Variants in ANK2 observed in about 807,000 individuals in gnomAD.
The protein encoded by ANK2 is ankyrin-2.
In ANK2, 83 loss-of-function variants were observed where a neutral mutation model predicts 360.5. That is an observed-to-expected ratio of 0.23 (90% CI 0.19 to 0.28). The LOEUF is 0.28. Among genes scored for constraint, ANK2 ranks in the 10% least tolerant of loss-of-function variants. The pLI, the probability that ANK2 is intolerant of heterozygous loss-of-function variation, is 1.00. For synonymous variants in ANK2, 1,740 were observed against 1,759.5 expected (o/e 0.99, Z 0.28); for missense variants, 4,201 against 4,795.7 (o/e 0.88, Z 3.66).
intron 4 of ANK2, among the ~76,000 whole-genome samples, chr4:113,212,771 C>A (rs1446391261): frequency 6.6e-6 from 1 of 152,204 alleles, no homozygotes; most frequent in East Asian, 1.9e-4. Context: ...CAATGCCTGG[C>A]AATTCTAAGA....
At chr4:112,873,280 A>G (rs561556675) in intron 1 of ANK2, among the ~76,000 whole-genome samples, 117 of 151,110 alleles carry the variant, frequency 7.7e-4, no homozygotes, top group African/African-American at 2.8e-3. Context: ...TCCTTTTTCT[A>G]TTTTTATAAG....
rs978726643 is a variant in ANK2, at chr4:112,902,242, G to C, written c.-39-2213G>C. ...CTGGAAGCAAGGACTTGAAGCAGTA[G>C]CTTTGTGTCTTTGGCAGTCTCTTGA... On this transcript the variant is annotated intron_variant, in intron 1 of 30. Transcript: ENST00000503271. Among the ~76,000 whole-genome samples, 9 of 152,340 alleles carry C rather than the reference G, an allele frequency of 5.9e-5. No homozygotes were observed. In the South Asian group the frequency reaches 1.9e-3, roughly 32 times the overall value.
chr4:112,788,530 G>A, the ANK2 span: 25 of 1,578,474 alleles, frequency 1.6e-5, no homozygotes, highest in Middle Eastern at 2.3e-4. Flanking sequence ...CTTTCTTCTC[G>A]GCCTGGGCCA....
At chr4:112,878,905 G>T (rs2075958761) in intron 1 of ANK2, among the ~76,000 whole-genome samples, 1 of 152,152 alleles carries the variant, frequency 6.6e-6, no homozygotes, top group Admixed American at 6.5e-5. Flanking sequence ...TTACAAGCGT[G>T]AGCCACTGCG....
intron 22 of ANK2, among the ~76,000 whole-genome samples, chr4:113,295,899 T>C (rs2071123084): frequency 6.6e-6 from 1 of 152,192 alleles, no homozygotes; most frequent in African/African-American, 2.4e-5. Flanking sequence ...GGGTAAGGAT[T>C]GGAAGAATAG....
chr4:113,048,430 AT>A (rs61689467), upstream of ANK2, among the ~76,000 whole-genome samples: 4,620 of 129,672 alleles, frequency 0.036, 208 homozygotes, highest in African/African-American at 0.12. Context: ...CACCTGGCTA[AT>A]TTTTTTTTTT....
chr4:113,310,623 G>T (rs1024222636), intron 23 of ANK2, among the ~76,000 whole-genome samples: 1 of 152,086 alleles, frequency 6.6e-6, no homozygotes, highest in Non-Finnish European at 1.5e-5. Flanking sequence ...CACTATATTG[G>T]TCAGGCTGGT....
chr4:112,972,751 A>G (rs1271565002), intron 2 of ANK2, among the ~76,000 whole-genome samples: 1 of 152,230 alleles, frequency 6.6e-6, no homozygotes, highest in Non-Finnish European at 1.5e-5. Flanking sequence ...TTGCAACTGC[A>G]AAGATATGGA....
chr4:113,375,522 G>A (rs1040445528), intron 45 of ANK2, among the ~76,000 whole-genome samples: 5 of 152,012 alleles, frequency 3.3e-5, no homozygotes, highest in South Asian at 2.1e-4. Context: ...TCAGGAGATC[G>A]AGACCATCCT....
At chr4:113,145,576 T>C (rs2096797598) in intron 1 of ANK2, 2 of 1,025,884 alleles carry the variant, frequency 1.9e-6, no homozygotes, top group Admixed American at 9.9e-5. Context: ...CTCACCCCCC[T>C]CACTCCATTG....
Position 113,367,744 on chromosome 4 carries a change from A to G in ANK2, c.11211A>G (p.Ala3737=), listed in dbSNP as rs752461691. 14 of 1,613,808 alleles carry G rather than the reference A, an allele frequency of 8.7e-6. No homozygotes were observed. Among genetic ancestry groups the G allele is most frequent in the Non-Finnish European group, 1.2e-5 (14 of 1,179,962 alleles). Reference sequence around the variant, plus strand: ...CCAAAACTGAGGGGGACAGCTCAGCAACAGCACTCTTTCCCCAAACTCACA... The same window carrying G: ...CCAAAACTGAGGGGGACAGCTCAGCGACAGCACTCTTTCCCCAAACTCACA... ...GVPKTEGDSS[A]TALFPQTHKE... Residue 3737 remains alanine, a synonymous_variant, in exon 42 of 46, where the codon GCA becomes GCG. Coordinates refer to ENST00000357077, the MANE Select transcript of ANK2 (RefSeq NM_001148.6).
intron 23 of ANK2, among the ~76,000 whole-genome samples, chr4:113,309,761 C>A (rs1227270746): frequency 6.6e-6 from 1 of 152,110 alleles, no homozygotes; most frequent in African/African-American, 2.4e-5. Flanking sequence ...CTCAAGCAAT[C>A]CTCCTGCCTC....
At chr4:113,225,409 A>C (rs1346878811) in intron 4 of ANK2, among the ~76,000 whole-genome samples, 2 of 152,152 alleles carry the variant, frequency 1.3e-5, no homozygotes, top group African/African-American at 4.8e-5. Context: ...GGTGCTATAA[A>C]GACTGTTGAA....
chr4:112,744,410 G>A, the ANK2 span, among the ~76,000 whole-genome samples: 1 of 146,876 alleles, frequency 6.8e-6, no homozygotes, highest in Non-Finnish European at 1.5e-5. Context: ...GCAGTGGCAC[G>A]ACCTCGGCTC....
intron 2 of ANK2, among the ~76,000 whole-genome samples, chr4:113,026,558 G>T (rs1306263218): frequency 6.6e-6 from 1 of 152,166 alleles, no homozygotes; most frequent in African/African-American, 2.4e-5. Flanking sequence ...TTGAATTTTT[G>T]TAGGAAATTT....
intron 18 of ANK2, among the ~76,000 whole-genome samples, chr4:113,283,406 C>T (rs528910127): frequency 6.6e-6 from 1 of 152,186 alleles, no homozygotes; most frequent in South Asian, 2.1e-4. Context: ...AGATTTTTTT[C>T]CATCAACGTA....
chr4:113,258,208 CT>C, intron 12 of ANK2, 60 bp downstream of exon 12: 1 of 1,577,810 alleles, frequency 6.3e-7, no homozygotes, highest in Non-Finnish European at 8.7e-7. Context: ...CCTCCCTTTC[CT>C]TTTTCTCATC....
At chr4:113,269,266 C>A (rs2057528307) in intron 14 of ANK2, among the ~76,000 whole-genome samples, 1 of 152,182 alleles carries the variant, frequency 6.6e-6, no homozygotes, top group Admixed American at 6.5e-5. Context: ...CTTCAGCCCC[C>A]TTTCCAGGGG....
intron 2 of ANK2, among the ~76,000 whole-genome samples, chr4:113,028,677 T>G (rs1741412602): frequency 6.6e-6 from 1 of 152,156 alleles, no homozygotes; most frequent in African/African-American, 2.4e-5. Flanking sequence ...AGGGGCTTAA[T>G]TTATAAATTG....
Sources: allele counts gnomAD v4.1 joint callset (sites outside exome capture counted in the v4.1 genomes callset), GRCh38; gene constraint gnomAD v4.1.1; transcripts MANE v1.5; gene names NCBI Gene and HGNC (gene_info 2026-07-23, HGNC 2026-07-21).